Variants in NGEF observed in about 807,000 individuals in gnomAD.
NGEF encodes ephexin-1.
Under a neutral mutation model 80.9 loss-of-function variants are expected in NGEF, and 31 were observed. The ratio of observed to expected loss-of-function variants is 0.38; its 90% CI spans 0.29 to 0.52. NGEF has a LOEUF of 0.52. NGEF is among the 20% of genes least tolerant of loss of function. The pLI, the probability that NGEF is intolerant of heterozygous loss-of-function variation, is 0.84. For synonymous variants in NGEF, 371 were observed against 370.2 expected (o/e 1.00, Z -0.03); for missense variants, 709 against 926.2 (o/e 0.77, Z 3.04).
At chr2:233,010,220 C>A (rs933422369) in intron 1 of NGEF, among the ~76,000 whole-genome samples, 2 of 151,934 alleles carry the variant, frequency 1.3e-5, no homozygotes, top group Admixed American at 1.3e-4. Context: ...CCTCATGCCT[C>A]CCCTGTCTCT....
intron 6 of NGEF, chr2:232,894,552 G>A (rs547394852): frequency 6.6e-4 from 300 of 456,912 alleles, no homozygotes; most frequent in Middle Eastern, 5.5e-3. Context: ...GGGAAGGGAC[G>A]CCGGGGGACG....
intron 3 of NGEF, among the ~76,000 whole-genome samples, chr2:232,957,947 A>G (rs375248805): frequency 6.6e-6 from 1 of 152,214 alleles, no homozygotes; most frequent in African/African-American, 2.4e-5. Context: ...AGCTGCATAA[A>G]CTGTGAAACA....
chr2:232,926,303 C>G (rs895434), intron 4 of NGEF, among the ~76,000 whole-genome samples: 127,734 of 151,890 alleles, frequency 0.84, 54,012 homozygotes, highest in African/African-American at 0.91. Flanking sequence ...GGTGCCTCTC[C>G]TGACGACATG....
chr2:232,906,929 A>G (rs1328613777), intron 5 of NGEF, among the ~76,000 whole-genome samples: 2 of 151,270 alleles, frequency 1.3e-5, no homozygotes, highest in African/African-American at 4.9e-5. Context: ...ACTCAGGGTT[A>G]AATGGATTAA....
intron 3 of NGEF, among the ~76,000 whole-genome samples, chr2:232,946,335 A>G (rs561827373): frequency 2.6e-5 from 4 of 152,126 alleles, no homozygotes; most frequent in African/African-American, 9.7e-5. Flanking sequence ...GGTGCAGTGT[A>G]TACTGCTCGG....
intron 3 of NGEF, among the ~76,000 whole-genome samples, chr2:232,965,049 C>T (rs1398247032): frequency 6.6e-6 from 1 of 152,194 alleles, no homozygotes; most frequent in African/African-American, 2.4e-5. Flanking sequence ...TTCAATAAAG[C>T]ATTATTTAAA....
chr2:232,966,907 T>C (rs972626523), intron 3 of NGEF, among the ~76,000 whole-genome samples: 1 of 152,138 alleles, frequency 6.6e-6, no homozygotes, highest in Non-Finnish European at 1.5e-5. Flanking sequence ...TTCTGTTGTG[T>C]CCCAGGTAGA....
intron 1 of NGEF, among the ~76,000 whole-genome samples, chr2:232,991,574 A>G (rs570204389): frequency 3.6e-4 from 55 of 152,320 alleles, no homozygotes; most frequent in African/African-American, 1.2e-3. Flanking sequence ...ACTACAAAAT[A>G]TTATTGAAAA....
At chr2:232,939,969 C>A in intron 3 of NGEF, among the ~76,000 whole-genome samples, 1 of 151,474 alleles carries the variant, frequency 6.6e-6, no homozygotes, top group African/African-American at 2.4e-5. Context: ...TGCACTCCAG[C>A]CCGAGCGACA....
At chr2:232,952,424 A>G (rs1392857959) in intron 3 of NGEF, among the ~76,000 whole-genome samples, 2 of 152,202 alleles carry the variant, frequency 1.3e-5, no homozygotes, top group Non-Finnish European at 2.9e-5. Flanking sequence ...ATTGCCATTC[A>G]CTTCATTTTC....
At chr2:232,917,187 A>G (rs1692821790) in intron 5 of NGEF, among the ~76,000 whole-genome samples, 1 of 152,248 alleles carries the variant, frequency 6.6e-6, no homozygotes, top group Non-Finnish European at 1.5e-5. Flanking sequence ...GTTGCTAAAA[A>G]CCATCACCAA....
chr2:232,885,703 C>A (rs550813929), intron 9 of NGEF, among the ~76,000 whole-genome samples: 10 of 152,302 alleles, frequency 6.6e-5, no homozygotes, highest in African/African-American at 2.2e-4. Context: ...CTCCCCACAG[C>A]CCCCTGGGTG....
intron 10 of NGEF, among the ~76,000 whole-genome samples, chr2:232,884,386 G>A (rs1318470313): frequency 6.6e-6 from 1 of 152,186 alleles, no homozygotes; most frequent in Non-Finnish European, 1.5e-5. Context: ...CTGTGCATGT[G>A]GACTTCTATG....
chr2:232,982,979 T>C (rs1221226961), intron 1 of NGEF, among the ~76,000 whole-genome samples: 1 of 152,204 alleles, frequency 6.6e-6, no homozygotes, highest in African/African-American at 2.4e-5. Flanking sequence ...GAGGAAGACC[T>C]GCATGGCATG....
At chr2:233,004,482 T>C (rs552758211) in intron 1 of NGEF, among the ~76,000 whole-genome samples, 1 of 152,344 alleles carries the variant, frequency 6.6e-6, no homozygotes, top group Admixed American at 6.5e-5. Flanking sequence ...CCCCCTGGAA[T>C]CTGCTCTGCC....
At chr2:232,908,579 A>C (rs1156268721) in intron 5 of NGEF, among the ~76,000 whole-genome samples, 1 of 151,064 alleles carries the variant, frequency 6.6e-6, no homozygotes, top group Non-Finnish European at 1.5e-5. Flanking sequence ...TCATTTATTT[A>C]TTTTTGCGGA....
intron 5 of NGEF, among the ~76,000 whole-genome samples, chr2:232,905,230 T>G (rs1260898603): frequency 1.3e-5 from 2 of 152,192 alleles, no homozygotes; most frequent in African/African-American, 2.4e-5. Context: ...GCCTGCCGAG[T>G]GCCTGCGATT....
rs554880275 is a variant in NGEF at position 232,913,838 on chromosome 2, T to C, written c.828+6446A>G. ...GGGAGGCTGAGGCAGGAGAATCACT[T>C]GAACCTGGGAGGCAGAGGTTGCAGT... On this transcript the variant is annotated intron_variant, in intron 5 of 14. Transcript: ENST00000264051. 2.0e-4 allele frequency among the ~76,000 whole-genome samples: 30 copies of C among 152,276 alleles called. No individual in the cohort carries two copies. The South Asian group carries it at 3.3e-3, about 17-fold the overall frequency.
At chr2:232,882,929 A>G (rs749456098) in intron 12 of NGEF, among the ~76,000 whole-genome samples, 2 of 152,136 alleles carry the variant, frequency 1.3e-5, no homozygotes, top group South Asian at 2.1e-4. Flanking sequence ...GATGAGCTCA[A>G]TGCCACACAG....
Sources: gnomAD v4.1 joint callset for allele counts (sites outside exome capture counted in the v4.1 genomes callset) on GRCh38, gnomAD v4.1.1 for gene constraint, MANE v1.5 for transcripts, NCBI Gene and HGNC (gene_info 2026-07-23, HGNC 2026-07-21) for gene names.